Variants in LRRC69 observed in about 807,000 individuals in gnomAD.
LRRC69 encodes leucine rich repeat containing 69.
Under a neutral mutation model 37.8 loss-of-function variants are expected in LRRC69, and 42 were observed. The ratio of observed to expected loss-of-function variants is 1.11; its 90% CI spans 0.87 to 1.44. The LOEUF is 1.44. LRRC69 is among the 40% of genes most tolerant of loss of function. The probability of loss-of-function intolerance (pLI) is 0.00; values close to 1 mark genes in which losing one functional copy is unlikely to be tolerated. For synonymous variants in LRRC69, 141 were observed against 143.1 expected (o/e 0.99, Z 0.11); for missense variants, 357 against 401.9 (o/e 0.89, Z 0.96).
chr8:91,116,833 A>G (rs977743442), intron 1 of LRRC69, among the ~76,000 whole-genome samples: 4 of 152,166 alleles, frequency 2.6e-5, no homozygotes, highest in Non-Finnish European at 4.4e-5. Flanking sequence ...CAGTATTGTC[A>G]TTAATAATCT....
Position 91,218,975 on chromosome 8 carries a change from AC to A in LRRC69, c.1021del (p.Leu341SerfsTer?). The A allele has an allele frequency of 6.5e-7, 1 of 1,550,136 alleles. No individual in the cohort carries two copies. The highest frequency in any genetic ancestry group is 8.7e-7 in the Non-Finnish European group (1 of 1,145,736). ...AAATGTTTTACTCAACGTGACCCTA[AC>A]CTCTTTGGAATTGCTCAGGTGTAGA... is the stretch of plus-strand genomic sequence containing the variant. On this transcript the variant is annotated frameshift_variant, in exon 8 of 8. Transcript: ENST00000448384. LOFTEE classifies it high-confidence loss of function.
At chr8:91,156,473 A>G (rs1808836971) in intron 5 of LRRC69, among the ~76,000 whole-genome samples, 1 of 150,870 alleles carries the variant, frequency 6.6e-6, no homozygotes, top group Non-Finnish European at 1.5e-5. Flanking sequence ...CTGTATATTA[A>G]TCACTTGTAG....
At chr8:91,109,252 T>C (rs1444566499) in intron 1 of LRRC69, among the ~76,000 whole-genome samples, 1 of 152,114 alleles carries the variant, frequency 6.6e-6, no homozygotes, top group Non-Finnish European at 1.5e-5. Context: ...CTCTCTCTGC[T>C]GGCAGGTGTC....
chr8:91,125,278 A>G (rs928761221), intron 2 of LRRC69, among the ~76,000 whole-genome samples: 1 of 151,832 alleles, frequency 6.6e-6, no homozygotes, highest in Non-Finnish European at 1.5e-5. Context: ...AAATATTATA[A>G]AATTTATAAA....
intron 1 of LRRC69, among the ~76,000 whole-genome samples, chr8:91,104,879 A>T (rs1054377954): frequency 3.9e-5 from 6 of 152,106 alleles, no homozygotes; most frequent in African/African-American, 1.4e-4. Context: ...GTTGTTTAGT[A>T]AAAAGTTACA....
chr8:91,123,224 T>C (rs962945399), intron 1 of LRRC69, among the ~76,000 whole-genome samples: 2 of 152,050 alleles, frequency 1.3e-5, no homozygotes, highest in Admixed American at 1.3e-4. Context: ...AAGATAAATT[T>C]GTGTCGTTCT....
chr8:91,179,695 AT>A (rs1809292356), intron 5 of LRRC69, among the ~76,000 whole-genome samples: 1 of 152,160 alleles, frequency 6.6e-6, no homozygotes, highest in Admixed American at 6.5e-5. Context: ...GATAAATATT[AT>A]TTTTTGGTAT....
chr8:91,136,604 C>T lies in LRRC69; in HGVS notation c.651+865C>T, dbSNP rs187097904. Reference sequence around the variant, plus strand: ...TTGCACAACCATCAGCATTATCCATCTCTAGAACCTGTTCATCTTCTCCAG... The same window carrying T: ...TTGCACAACCATCAGCATTATCCATTTCTAGAACCTGTTCATCTTCTCCAG... On this transcript the variant is annotated intron_variant, in intron 5 of 7. Coordinates refer to ENST00000448384, the Ensembl canonical transcript of LRRC69. Among the ~76,000 whole-genome samples, 5 of 152,124 alleles carry T rather than the reference C, an allele frequency of 3.3e-5. No homozygotes were observed. In the East Asian group the frequency reaches 9.6e-4, roughly 29 times the overall value.
At chr8:91,214,377 A>G (rs1396323438) in intron 7 of LRRC69, among the ~76,000 whole-genome samples, 1 of 152,158 alleles carries the variant, frequency 6.6e-6, no homozygotes, top group African/African-American at 2.4e-5. Context: ...TGGCATGGAA[A>G]AGAAATATAC....
intron 1 of LRRC69, among the ~76,000 whole-genome samples, chr8:91,109,634 T>A (rs552886748): frequency 1.3e-4 from 20 of 152,072 alleles, no homozygotes; most frequent in Non-Finnish European, 1.9e-4. Flanking sequence ...AATCTTTTTA[T>A]GTTAATGCCA....
chr8:91,155,211 TTAAC>T (rs1160090538), intron 5 of LRRC69, among the ~76,000 whole-genome samples: 1 of 149,370 alleles, frequency 6.7e-6, no homozygotes, highest in Non-Finnish European at 1.5e-5. Flanking sequence ...GTCTATTATT[TTAAC>T]TGACTACCCT....
intron 5 of LRRC69, among the ~76,000 whole-genome samples, chr8:91,164,726 G>A (rs1202018815): frequency 6.6e-6 from 1 of 151,578 alleles, no homozygotes; most frequent in African/African-American, 2.4e-5. Context: ...TTTTACAGAT[G>A]ATAAAACTGA....
intron 1 of LRRC69, among the ~76,000 whole-genome samples, chr8:91,103,149 G>T (rs1045789237): frequency 2.0e-4 from 31 of 152,302 alleles, no homozygotes; most frequent in Non-Finnish European, 4.1e-4. Flanking sequence ...TGGAAACCTG[G>T]ATCTGGTCGT....
chr8:91,128,045 A>G (rs765232278), intron 3 of LRRC69, among the ~76,000 whole-genome samples: 3 of 152,084 alleles, frequency 2.0e-5, no homozygotes, highest in Non-Finnish European at 4.4e-5. Flanking sequence ...AAATATTTGC[A>G]GCAATGAAAA....
intron 1 of LRRC69, among the ~76,000 whole-genome samples, chr8:91,120,042 G>A (rs1326960766): frequency 1.3e-5 from 2 of 151,870 alleles, no homozygotes; most frequent in Non-Finnish European, 1.5e-5. Flanking sequence ...GGGTGGGGGG[G>A]AACTCCAGCT....
At chr8:91,164,101 T>C (rs1329920551) in intron 5 of LRRC69, among the ~76,000 whole-genome samples, 1 of 151,468 alleles carries the variant, frequency 6.6e-6, no homozygotes, top group African/African-American at 2.4e-5. Flanking sequence ...TGAAGTGGGA[T>C]CAAATAAATT....
chr8:91,214,281 C>A (rs1390241031), intron 7 of LRRC69, among the ~76,000 whole-genome samples: 1 of 152,036 alleles, frequency 6.6e-6, no homozygotes, highest in African/African-American at 2.4e-5. Flanking sequence ...GAGGCAAGAC[C>A]CCAAGTTGTA....
intron 6 of LRRC69, among the ~76,000 whole-genome samples, chr8:91,197,638 A>C (rs1036036931): frequency 7.9e-5 from 12 of 152,212 alleles, no homozygotes; most frequent in Admixed American, 1.3e-4. Flanking sequence ...TTCTTTGACT[A>C]GGAAAGGGAA....
chr8:91,145,453 TTC>T (rs1362117628), intron 5 of LRRC69, among the ~76,000 whole-genome samples: 1 of 151,938 alleles, frequency 6.6e-6, no homozygotes, highest in Non-Finnish European at 1.5e-5. Flanking sequence ...ATAGTTTATT[TTC>T]TCTGTTTAAT....
Sources: gnomAD v4.1 joint callset for allele counts (sites outside exome capture counted in the v4.1 genomes callset) on GRCh38, gnomAD v4.1.1 for gene constraint, MANE v1.5 for transcripts, NCBI Gene and HGNC (gene_info 2026-07-23, HGNC 2026-07-21) for gene names.